Variants in RBFOX1 observed in about 807,000 individuals in gnomAD.
RBFOX1 encodes RNA binding fox-1 homolog 1.
Under a neutral mutation model 57.7 loss-of-function variants are expected in RBFOX1, and 8 were observed. The ratio of observed to expected loss-of-function variants is 0.14; its 90% CI spans 0.08 to 0.25. The LOEUF is 0.25. Ranked by LOEUF, RBFOX1 falls within the 10% of genes least tolerant of loss-of-function variation. The pLI, the probability that RBFOX1 is intolerant of heterozygous loss-of-function variation, is 1.00. For synonymous variants in RBFOX1, 326 were observed against 222.4 expected, an observed-to-expected ratio of 1.47 and a Z score of -4.15; for missense variants, 611 against 548.5, an observed-to-expected ratio of 1.11 and a Z score of -1.14.
intron 3 of RBFOX1, among the ~76,000 whole-genome samples, chr16:6,936,011 T>G (rs2077308181): frequency 6.6e-6 from 1 of 152,206 alleles, no homozygotes; most frequent in Non-Finnish European, 1.5e-5. Context: ...GAGCTAAGTT[T>G]GGATAATGGC....
At chr16:5,836,602 A>C (rs1707985652) in intron 3 of RBFOX1, among the ~76,000 whole-genome samples, 1 of 151,782 alleles carries the variant, frequency 6.6e-6, no homozygotes, top group Admixed American at 6.6e-5. Flanking sequence ...CTCCATCTCC[A>C]TTTCCCCACC....
At chr16:6,307,623 T>C (rs2079681783) in intron 1 of RBFOX1, among the ~76,000 whole-genome samples, 1 of 148,090 alleles carries the variant, frequency 6.8e-6, no homozygotes. Flanking sequence ...GTTTTAATTA[T>C]ATATTTTTAT....
At chr16:5,383,170 A>G (rs564529242) in intron 1 of RBFOX1, among the ~76,000 whole-genome samples, 17 of 152,350 alleles carry the variant, frequency 1.1e-4, no homozygotes, top group Non-Finnish European at 1.9e-4. Flanking sequence ...CTATGGAGAC[A>G]CAGCCAACAA....
chr16:7,040,582 G>C (rs900094867), intron 3 of RBFOX1, among the ~76,000 whole-genome samples: 36 of 152,110 alleles, frequency 2.4e-4, no homozygotes, highest in African/African-American at 8.0e-4. Context: ...CTATTGGTCT[G>C]GTTCCCAGGA....
At chr16:6,005,333 A>C (rs906713715) in intron 4 of RBFOX1, among the ~76,000 whole-genome samples, 3 of 152,224 alleles carry the variant, frequency 2.0e-5, no homozygotes, top group African/African-American at 7.2e-5. Context: ...CTGGACACTC[A>C]TTCCCTTATG....
Position 7,016,079 on chromosome 16 carries a change from C to T in RBFOX1, c.-15-35978C>T, listed in dbSNP as rs886279351. On this transcript the variant is annotated intron_variant, in intron 3 of 15. Coordinates refer to ENST00000550418, the MANE Select transcript of RBFOX1 (RefSeq NM_018723.4). ...GTTAAGTGAGACCATAAGGCTTGTTCTTGCCAATGAATTGTAGGCTTAGTA... is the reference window on the plus strand; with the variant it reads ...GTTAAGTGAGACCATAAGGCTTGTTTTTGCCAATGAATTGTAGGCTTAGTA... Among the ~76,000 whole-genome samples the T allele has an allele frequency of 2.6e-5, 4 of 152,148 alleles. No homozygotes were observed. The East Asian group carries it at 7.7e-4, about 29-fold the overall frequency.
At chr16:7,148,537 G>C (rs1436518190) in intron 4 of RBFOX1, among the ~76,000 whole-genome samples, 3 of 152,182 alleles carry the variant, frequency 2.0e-5, no homozygotes, top group Non-Finnish European at 2.9e-5. Flanking sequence ...CCGCAGTGCC[G>C]AGTTCCCTGA....
intron 2 of RBFOX1, among the ~76,000 whole-genome samples, chr16:6,423,242 C>A: frequency 6.6e-6 from 1 of 152,278 alleles, no homozygotes; most frequent in South Asian, 2.1e-4. Flanking sequence ...TTCGGCCTTC[C>A]GCAAGCTGCA....
At chr16:7,258,265 A>G (rs190504245) in intron 4 of RBFOX1, among the ~76,000 whole-genome samples, 3 of 152,320 alleles carry the variant, frequency 2.0e-5, no homozygotes, top group Non-Finnish European at 4.4e-5. Flanking sequence ...CCTTCTTATT[A>G]ATTATTCTAG....
intron 4 of RBFOX1, among the ~76,000 whole-genome samples, chr16:7,168,477 C>G (rs796775645): frequency 5.3e-5 from 8 of 152,220 alleles, no homozygotes; most frequent in African/African-American, 1.7e-4. Context: ...AAAGAGGTGG[C>G]TATAGGAAAC....
At chr16:7,122,679 G>A (rs577726614) in intron 4 of RBFOX1, among the ~76,000 whole-genome samples, 2 of 152,214 alleles carry the variant, frequency 1.3e-5, no homozygotes, top group Non-Finnish European at 2.9e-5. Context: ...ACAAAGTTAA[G>A]TATATGCTTA....
At chr16:6,439,854 G>C (rs2094330442) in intron 2 of RBFOX1, among the ~76,000 whole-genome samples, 2 of 152,036 alleles carry the variant, frequency 1.3e-5, no homozygotes, top group South Asian at 4.2e-4. Context: ...AGCTCAGATG[G>C]GATGCAGAAA....
At chr16:6,888,880 A>G (rs1002019183) in intron 3 of RBFOX1, among the ~76,000 whole-genome samples, 2 of 152,150 alleles carry the variant, frequency 1.3e-5, no homozygotes, top group Admixed American at 1.3e-4. Flanking sequence ...CTCCTCCCCA[A>G]AAAAGAATTA....
chr16:5,634,082 G>T (rs1193066993), intron 3 of RBFOX1, among the ~76,000 whole-genome samples: 13 of 152,154 alleles, frequency 8.5e-5, no homozygotes, highest in African/African-American at 2.7e-4. Context: ...AGTTTCTGAG[G>T]TCCAACTTCC....
chr16:6,375,839 C>T (rs2091104948), intron 2 of RBFOX1, among the ~76,000 whole-genome samples: 1 of 152,160 alleles, frequency 6.6e-6, no homozygotes, highest in Non-Finnish European at 1.5e-5. Context: ...CTGTCCCCTG[C>T]ATAAACAATG....
At chr16:7,148,491 G>A (rs947673379) in intron 4 of RBFOX1, among the ~76,000 whole-genome samples, 3 of 152,006 alleles carry the variant, frequency 2.0e-5, no homozygotes, top group South Asian at 2.1e-4. Context: ...TTTTTCACAC[G>A]CCGGCAGGAG....
At chr16:5,570,591 G>T (rs372178978) in intron 2 of RBFOX1, among the ~76,000 whole-genome samples, 1 of 152,128 alleles carries the variant, frequency 6.6e-6, no homozygotes, top group African/African-American at 2.4e-5. Context: ...TGTAATCCCA[G>T]CACTTTGGGA....
chr16:5,485,345 C>CAAAAAAAAAAAAAA lies in RBFOX1; in HGVS notation c.258+18101_258+18114dup, dbSNP rs71142624. On this transcript the variant is annotated intron_variant, in intron 2 of 2. Transcript: ENST00000585867. ...TGGGCGACAGAGCCAGACTCCGTGT[C>CAAAAAAAAAAAAAA]AAAAAAAAAAAAAAAAAAAAAAAGT... 2.4e-3 allele frequency among the ~76,000 whole-genome samples: 123 copies of CAAAAAAAAAAAAAA among 51,638 alleles called. 7 individuals carry two copies. The highest frequency in any genetic ancestry group is 0.017 in the Middle Eastern group (1 of 60). The allele number at this position is 51,638 out of a possible 152,430, so 33.9% of individuals were successfully genotyped here.
chr16:6,599,120 T>C (rs1349141890), intron 2 of RBFOX1, among the ~76,000 whole-genome samples: 1 of 152,226 alleles, frequency 6.6e-6, no homozygotes, highest in Non-Finnish European at 1.5e-5. Context: ...AATCACCTGA[T>C]ACGGTCATTT....
Sources: allele counts gnomAD v4.1 joint callset (sites outside exome capture counted in the v4.1 genomes callset), GRCh38; gene constraint gnomAD v4.1.1; transcripts MANE v1.5; gene names NCBI Gene and HGNC (gene_info 2026-07-23, HGNC 2026-07-21).